The following NALF1 variants were observed in gnomAD, a reference collection of about 807,000 sequenced individuals.
The protein encoded by NALF1 is family with sequence similarity 155 member A.
Under a neutral mutation model 48.4 loss-of-function variants are expected in NALF1, and 3 were observed. The observed-to-expected ratio is 0.06, with a 90% CI of 0.03 to 0.16. The LOEUF is 0.16. Ranked by LOEUF, NALF1 falls within the 10% of genes least tolerant of loss-of-function variation. The probability of loss-of-function intolerance (pLI) is 1.00; values close to 1 mark genes in which losing one functional copy is unlikely to be tolerated. For missense variants in NALF1, 526 were observed against 571.5 expected, an observed-to-expected ratio of 0.92 and a Z score of 0.81; for synonymous variants, 262 against 245.7, an observed-to-expected ratio of 1.07 and a Z score of -0.62.
At chr13:107,278,594 T>C (rs183496206) in intron 1 of NALF1, among the ~76,000 whole-genome samples, 18 of 152,350 alleles carry the variant, frequency 1.2e-4, no homozygotes, top group Non-Finnish European at 8.8e-5. Context: ...ACAAATGCCA[T>C]ATCTTCTGAA....
intron 2 of NALF1, among the ~76,000 whole-genome samples, chr13:107,172,521 A>G (rs1392866093): frequency 2.0e-5 from 3 of 152,170 alleles, no homozygotes; most frequent in African/African-American, 7.2e-5. Flanking sequence ...CCTTATAATG[A>G]TGCTTACAAT....
chr13:107,567,261 C>T (rs758799688), intron 1 of NALF1, among the ~76,000 whole-genome samples: 1 of 152,172 alleles, frequency 6.6e-6, no homozygotes, highest in Non-Finnish European at 1.5e-5. Context: ...CTTCCCCATA[C>T]TTACCAAAAT....
intron 1 of NALF1, among the ~76,000 whole-genome samples, chr13:107,290,177 A>AC (rs1203596017): frequency 6.8e-6 from 1 of 146,026 alleles, no homozygotes; most frequent in African/African-American, 2.7e-5. Flanking sequence ...AAACCAGCAA[A>AC]AAAAAAAAAC....
intron 1 of NALF1, among the ~76,000 whole-genome samples, chr13:107,820,170 T>A (rs1308086625): frequency 2.0e-5 from 3 of 152,208 alleles, no homozygotes; most frequent in Non-Finnish European, 4.4e-5. Context: ...TTATTGTCTA[T>A]ATCATTTGTA....
At chr13:107,269,819 T>C (rs1304487658) in intron 1 of NALF1, among the ~76,000 whole-genome samples, 1 of 151,862 alleles carries the variant, frequency 6.6e-6, no homozygotes, top group Non-Finnish European at 1.5e-5. Flanking sequence ...TTTCTTTTTT[T>C]TTTTTGCAAG....
intron 1 of NALF1, among the ~76,000 whole-genome samples, chr13:107,783,041 G>A (rs1341102089): frequency 2.8e-5 from 4 of 144,444 alleles, no homozygotes; most frequent in African/African-American, 1.1e-4. Flanking sequence ...CGCCCGGCCA[G>A]CCGCCCCGAC....
chr13:107,818,219 A>T (rs2138613800), intron 1 of NALF1, among the ~76,000 whole-genome samples: 1 of 152,282 alleles, frequency 6.6e-6, no homozygotes, highest in East Asian at 1.9e-4. Flanking sequence ...CCGTTCAGTT[A>T]GACACACGGA....
chr13:107,809,285 T>G (rs1426578067), intron 1 of NALF1, among the ~76,000 whole-genome samples: 3 of 152,080 alleles, frequency 2.0e-5, no homozygotes, highest in South Asian at 2.1e-4. Flanking sequence ...TTTAACCATC[T>G]GTCTTCTCAA....
chr13:107,601,715 G>A lies in NALF1; in HGVS notation c.915+263967C>T, dbSNP rs16970807. Among the ~76,000 whole-genome samples the A allele has an allele frequency of 0.021, 3,123 of 151,518 alleles. 215 individuals are homozygous for A. The East Asian group carries it at 0.26, about 13-fold the overall frequency. On this transcript the variant is annotated intron_variant, in intron 1 of 2. Transcript: ENST00000375915. The stretch of plus-strand genomic sequence containing the variant: ...TCTTTTTTCATAAGTAGTGTTTTGG[G>A]GATTCAGAGATGAATACAAAACAAA...
intron 1 of NALF1, among the ~76,000 whole-genome samples, chr13:107,253,232 A>G (rs1880740619): frequency 6.7e-6 from 1 of 148,476 alleles, no homozygotes; most frequent in African/African-American, 2.5e-5. Context: ...ATACTTTCAG[A>G]GTTATTTCTT....
At chr13:107,223,661 T>C (rs1880039819) in intron 1 of NALF1, among the ~76,000 whole-genome samples, 1 of 152,212 alleles carries the variant, frequency 6.6e-6, no homozygotes, top group South Asian at 2.1e-4. Context: ...CAGTTTCTCG[T>C]TGGGTGCTCC....
In NALF1 at chr13:107,768,429, C is replaced by G. The variant is rs761220631; in HGVS notation, c.915+97253G>C. ...AATAATATTTGAAAATATTCTAATA[C>G]GATGGGACACAATAAACTGGTTAAT... On this transcript the variant is annotated intron_variant, in intron 1 of 2. Coordinates refer to ENST00000375915, the MANE Select transcript of NALF1 (RefSeq NM_001080396.3). 2.0e-5 allele frequency among the ~76,000 whole-genome samples: 3 copies of G among 152,022 alleles called. No individual in the cohort carries two copies. The East Asian group carries it at 5.8e-4, about 29-fold the overall frequency.
At chr13:107,481,510 A>T (rs1222640260) in intron 1 of NALF1, among the ~76,000 whole-genome samples, 1 of 152,200 alleles carries the variant, frequency 6.6e-6, no homozygotes, top group Non-Finnish European at 1.5e-5. Flanking sequence ...TCTCCAAAGC[A>T]TGTAAACAGG....
intron 1 of NALF1, among the ~76,000 whole-genome samples, chr13:107,351,859 G>A (rs1203490707): frequency 6.6e-6 from 1 of 152,204 alleles, no homozygotes; most frequent in Non-Finnish European, 1.5e-5. Context: ...GCAGCCTGCG[G>A]GCTGGCCATC....
chr13:107,453,412 G>A (rs1884774919), intron 1 of NALF1, among the ~76,000 whole-genome samples: 1 of 152,236 alleles, frequency 6.6e-6, no homozygotes, highest in Non-Finnish European at 1.5e-5. Context: ...ATCAAGGCAT[G>A]AGGTTTACAA....
intron 1 of NALF1, among the ~76,000 whole-genome samples, chr13:107,638,643 C>G (rs1924436): frequency 0.65 from 98,137 of 151,972 alleles, 32,409 homozygotes; most frequent in East Asian, 0.99. Flanking sequence ...ACAGTACAAA[C>G]AGCAATGAGG....
intron 1 of NALF1, among the ~76,000 whole-genome samples, chr13:107,864,925 C>G (rs1393961253): frequency 1.3e-5 from 2 of 152,122 alleles, no homozygotes; most frequent in African/African-American, 4.8e-5. Context: ...ACATCATCAA[C>G]GTTTTGCTAT....
intron 2 of NALF1, among the ~76,000 whole-genome samples, chr13:107,206,939 T>C (rs1879656491): frequency 6.6e-6 from 1 of 152,220 alleles, no homozygotes; most frequent in South Asian, 2.1e-4. Flanking sequence ...GTTCAAATAG[T>C]AGGAAAACCA....
At chr13:107,282,084 C>A (rs1018985141) in intron 1 of NALF1, among the ~76,000 whole-genome samples, 1 of 152,130 alleles carries the variant, frequency 6.6e-6, no homozygotes, top group Non-Finnish European at 1.5e-5. Flanking sequence ...GGTGTGCCTG[C>A]ATGAGCAACA....
Sources: gnomAD v4.1 joint callset for allele counts (sites outside exome capture counted in the v4.1 genomes callset) on GRCh38, gnomAD v4.1.1 for gene constraint, MANE v1.5 for transcripts, NCBI Gene and HGNC (gene_info 2026-07-23, HGNC 2026-07-21) for gene names.